The following RBL1 variants were observed in gnomAD, a reference collection of about 807,000 sequenced individuals.
RBL1 encodes retinoblastoma-like protein 1.
RBL1 carries 82 observed loss-of-function variants against 123.0 expected under a neutral mutation model. That is an observed-to-expected ratio of 0.67 (90% CI 0.56 to 0.80). The LOEUF (loss-of-function observed/expected upper bound fraction) is 0.80, where lower values mean the gene tolerates loss of function less well. RBL1 is among the 30% of genes least tolerant of loss of function. The pLI, the probability that RBL1 is intolerant of heterozygous loss-of-function variation, is 0.00. For synonymous variants in RBL1, 405 were observed against 441.3 expected (o/e 0.92, Z 1.03); for missense variants, 1,171 against 1,299.6 (o/e 0.90, Z 1.52).
At chr20:37,093,353 A>G (rs1320818074) in intron 1 of RBL1, among the ~76,000 whole-genome samples, 1 of 148,788 alleles carries the variant, frequency 6.7e-6, no homozygotes, top group Non-Finnish European at 1.5e-5. Flanking sequence ...TTCTAAAGCA[A>G]GCATTGGGCT....
rs775096450 is a variant in RBL1 at position 37,044,232 on chromosome 20, G to A, written c.1624C>T (p.Arg542Cys). 6.2e-6 allele frequency: 10 copies of A among 1,613,350 alleles called. No individual in the cohort carries two copies. The highest frequency in any genetic ancestry group is 5.0e-5 in the Admixed American group (3 of 59,890). ...TCCCTTGAGAGCCCCTCTTCTGAGC[G>A]GATCACCACCTCAATAACCTGCAGA... is the stretch of plus-strand genomic sequence containing the variant. ...YFYKVIEVVI[R>C]SEEGLSRDMV... Residue 542 changes from arginine (R) to cysteine (C), a missense_variant, in exon 13 of 22, where the codon CGC becomes TGC. Arg to Cys is a radical substitution (Grantham distance 180). Coordinates refer to ENST00000373664, the MANE Select transcript of RBL1 (RefSeq NM_002895.5).
chr20:37,005,472 T>C (rs981519189), intron 20 of RBL1, among the ~76,000 whole-genome samples: 35 of 151,450 alleles, frequency 2.3e-4, no homozygotes, highest in Middle Eastern at 7.0e-3. Context: ...TAACAAGCTC[T>C]CTCTACACAC....
At chr20:37,060,778 G>C (rs373043402) in intron 9 of RBL1, among the ~76,000 whole-genome samples, 1 of 150,112 alleles carries the variant, frequency 6.7e-6, no homozygotes, top group East Asian at 1.9e-4. Context: ...GCGAGACCCT[G>C]TCTCAAAAAA....
At chr20:37,003,609 T>C in intron 21 of RBL1, 93 bp downstream of exon 21, 1 of 1,442,308 alleles carries the variant, frequency 6.9e-7, no homozygotes, top group Non-Finnish European at 9.2e-7. Flanking sequence ...AGTATAGTAG[T>C]AACTTGGCCA....
In RBL1 at chr20:37,095,953, G is replaced by A. The variant is rs752292062; in HGVS notation, c.-25C>T. On this transcript the variant is annotated 5_prime_UTR_variant, in exon 1 of 22. Coordinates refer to ENST00000373664, the MANE Select transcript of RBL1 (RefSeq NM_002895.5). ...TCCCTTCAGGCCCCGCGGGCTGCGC[G>A]CCACGGCCCCCGACTTCTTTCTCCC... The A allele has an allele frequency of 4.0e-6, 6 of 1,487,754 alleles. No individual in the cohort carries two copies. The highest frequency in any genetic ancestry group is 1.4e-5 in the African/African-American group (1 of 71,776). 92.2% of individuals were successfully genotyped at this position (1,487,754 alleles called of 1,614,324 possible).
Position 37,095,959 on chromosome 20 carries a change from G to A in RBL1, c.-31C>T, listed in dbSNP as rs753678247. ...CAGGCCCCGCGGGCTGCGCGCCACG[G>A]CCCCCGACTTCTTTCTCCCTCCCAG... is the stretch of plus-strand genomic sequence containing the variant. On this transcript the variant is annotated 5_prime_UTR_variant, in exon 1 of 22. Coordinates refer to ENST00000373664, the MANE Select transcript of RBL1 (RefSeq NM_002895.5). 7 of 1,462,684 alleles carry A rather than the reference G, an allele frequency of 4.8e-6. No homozygotes were observed. Among genetic ancestry groups the A allele is most frequent in the South Asian group, 2.7e-5 (2 of 74,074 alleles). The allele number at this position is 1,462,684 out of a possible 1,614,324, so 90.6% of individuals were successfully genotyped here.
chr20:37,086,552 A>T (rs547143140), intron 2 of RBL1, among the ~76,000 whole-genome samples: 2 of 152,292 alleles, frequency 1.3e-5, no homozygotes, highest in Middle Eastern at 3.4e-3. Context: ...AAAAATAAAA[A>T]TAAAAAAAAA....
intron 19 of RBL1, among the ~76,000 whole-genome samples, chr20:37,012,023 T>C (rs1488032666): frequency 6.6e-6 from 1 of 152,208 alleles, no homozygotes; most frequent in African/African-American, 2.4e-5. Context: ...CTGTCACGCC[T>C]GACTGGTTTT....
chr20:37,094,622 GGGCTTATGCTCGTCT>G (rs1329965175), intron 1 of RBL1, among the ~76,000 whole-genome samples: 1 of 152,108 alleles, frequency 6.6e-6, no homozygotes, highest in African/African-American at 2.4e-5. Context: ...TGTCTACACT[GGGCTTATGCTCGTCT>G]GGGTTTCTTT....
intron 21 of RBL1, among the ~76,000 whole-genome samples, chr20:37,000,464 TGG>T (rs553526543): frequency 0.017 from 1,623 of 94,860 alleles, no homozygotes; most frequent in African/African-American, 0.068. Context: ...GGGAGGGAGG[TGG>T]GGGGGGTCAG....
rs1360388449 is a variant in RBL1, at chr20:36,996,793, T to C, written c.*1966A>G. 2 of 152,134 alleles carry C rather than the reference T, an allele frequency of 1.3e-5. No homozygotes were observed. The highest frequency in any genetic ancestry group is 1.3e-4 in the Admixed American group (2 of 15,260). The allele number at this position is 152,134 out of a possible 1,614,324, so 9.4% of individuals were successfully genotyped here. A position where few individuals can be genotyped will look rare whatever the true frequency, so the allele number is the denominator to read the frequency against. ...TGCTCATTTATATTTTGCACAATAATGAAGATAAAAATAACAATTATAGCA... is the reference window on the plus strand; with the variant it reads ...TGCTCATTTATATTTTGCACAATAACGAAGATAAAAATAACAATTATAGCA... On this transcript the variant is annotated 3_prime_UTR_variant, in exon 22 of 22. Transcript: ENST00000373664.
intron 16 of RBL1, among the ~76,000 whole-genome samples, chr20:37,025,899 T>C (rs1056116358): frequency 5.9e-5 from 9 of 152,002 alleles, no homozygotes; most frequent in African/African-American, 2.2e-4. Context: ...CCTGCTACCA[T>C]GCCTGGGTAA....
At chr20:37,023,010 G>GA (rs1568832238) in intron 16 of RBL1, among the ~76,000 whole-genome samples, 184 bp from the exon 17 acceptor site, 1 of 151,916 alleles carries the variant, frequency 6.6e-6, no homozygotes, top group East Asian at 1.9e-4. Flanking sequence ...AAAACTACTT[G>GA]AAAAAATTTT....
rs1015937479 is a variant in RBL1 at position 36,997,091 on chromosome 20, A to T, written c.*1668T>A. The T allele has an allele frequency of 1.3e-5, 2 of 152,210 alleles. No individual in the cohort carries two copies. The highest frequency in any genetic ancestry group is 4.8e-5 in the African/African-American group (2 of 41,454). 9.4% of individuals were successfully genotyped at this position (152,210 alleles called of 1,614,324 possible). A position where few individuals can be genotyped will look rare whatever the true frequency, so the allele number is the denominator to read the frequency against. On this transcript the variant is annotated 3_prime_UTR_variant, in exon 22 of 22. Coordinates refer to ENST00000373664, the MANE Select transcript of RBL1 (RefSeq NM_002895.5). ...AAGGTTTGCAGTTAGAAACATAAAC[A>T]TTTGATAAAACTTCTCAAAATTAAT... is the stretch of plus-strand genomic sequence containing the variant.
chr20:37,038,055 G>C (rs1161059379), intron 14 of RBL1, among the ~76,000 whole-genome samples: 3 of 143,354 alleles, frequency 2.1e-5, no homozygotes, highest in Non-Finnish European at 4.5e-5. Context: ...ACAGTGGTGC[G>C]ATCTCCGCTC....
intron 13 of RBL1, among the ~76,000 whole-genome samples, 156 bp downstream of exon 13, chr20:37,043,930 T>G (rs2064773210): frequency 6.6e-6 from 1 of 152,044 alleles, no homozygotes; most frequent in Admixed American, 6.6e-5. Flanking sequence ...ATTCTAAAAT[T>G]GTGGTTATGG....
intron 2 of RBL1, among the ~76,000 whole-genome samples, chr20:37,084,095 T>C (rs1393577295): frequency 6.6e-6 from 1 of 151,708 alleles, no homozygotes; most frequent in Non-Finnish European, 1.5e-5. Flanking sequence ...AAACAGGGTA[T>C]CACCCTGTTG....
chr20:37,011,673 G>C (rs904470698), intron 19 of RBL1, among the ~76,000 whole-genome samples: 2 of 152,042 alleles, frequency 1.3e-5, no homozygotes, highest in African/African-American at 4.8e-5. Context: ...GACCTCAAGT[G>C]ATCTGCCCGC....
chr20:37,053,900 A>G (rs2064960793), intron 11 of RBL1, among the ~76,000 whole-genome samples: 1 of 152,234 alleles, frequency 6.6e-6, no homozygotes, highest in Non-Finnish European at 1.5e-5. Context: ...AGTATGTAGA[A>G]GTGGAAAACA....
Sources: gnomAD v4.1 joint callset for allele counts (sites outside exome capture counted in the v4.1 genomes callset) on GRCh38, gnomAD v4.1.1 for gene constraint, MANE v1.5 for transcripts, NCBI Gene and HGNC (gene_info 2026-07-23, HGNC 2026-07-21) for gene names.